The following FHIT variants were observed in gnomAD, a reference collection of about 807,000 sequenced individuals.
FHIT encodes fragile histidine triad diadenosine triphosphatase, also known as bis(5'-adenosyl)-triphosphatase.
In FHIT, 19 loss-of-function variants were observed where a neutral mutation model predicts 17.9. The ratio of observed to expected loss-of-function variants is 1.06; its 90% confidence interval spans 0.74 to 1.56. The LOEUF is 1.56. Among genes scored for constraint, FHIT ranks in the 40% most tolerant of loss-of-function variants. The probability of loss-of-function intolerance (pLI) is 0.00; values close to 1 mark genes in which losing one functional copy is unlikely to be tolerated. For synonymous variants in FHIT, 81 were observed against 69.7 expected (o/e 1.16, Z -0.81); for missense variants, 248 against 189.2 (o/e 1.31, Z -1.82).
At position 61,100,249 on chromosome 3, in the gene FHIT, C is replaced by T. The variant is rs573449786; in HGVS notation, c.-163-58150G>A. 1.4e-4 allele frequency among the ~76,000 whole-genome samples: 21 copies of T among 152,204 alleles called. 1 individual carries two copies. In the South Asian group the frequency reaches 4.4e-3, roughly 32 times the overall value. ...CGACAGGACCCAGTGTGTGATGTTC[C>T]CTGCCCTGTGTCCAAATGATCTCAT... On this transcript the variant is annotated intron_variant, in intron 2 of 9. Transcript: ENST00000492590.
intron 8 of FHIT, among the ~76,000 whole-genome samples, chr3:59,851,292 T>C (rs187957521): frequency 1.4e-4 from 21 of 152,356 alleles, no homozygotes; most frequent in African/African-American, 4.6e-4. Flanking sequence ...ACTGGTTAAA[T>C]GTCAGGTAAA....
intron 2 of FHIT, among the ~76,000 whole-genome samples, chr3:61,197,851 T>C (rs951288237): frequency 3.3e-5 from 5 of 151,924 alleles, no homozygotes; most frequent in Admixed American, 3.3e-4. Context: ...GCTTCTCTTC[T>C]CATTTCCAGC....
intron 5 of FHIT, 151 bp from the exon 6 acceptor site, chr3:60,014,303 CT>C: frequency 2.9e-6 from 2 of 694,684 alleles, no homozygotes; most frequent in Admixed American, 2.9e-5. Context: ...ATCCACTGAA[CT>C]CCAGAGAGTT....
At chr3:61,167,370 C>T (rs941983697) in intron 2 of FHIT, among the ~76,000 whole-genome samples, 34 of 151,914 alleles carry the variant, frequency 2.2e-4, no homozygotes, top group African/African-American at 7.9e-4. Context: ...GGTGCTGTGG[C>T]TCATGCCTGT....
At chr3:61,136,785 G>A (rs769273836) in intron 2 of FHIT, among the ~76,000 whole-genome samples, 1 of 152,122 alleles carries the variant, frequency 6.6e-6, no homozygotes, top group African/African-American at 2.4e-5. Context: ...ACCTTCTGTC[G>A]AATGAAGGAC....
intron 4 of FHIT, among the ~76,000 whole-genome samples, chr3:60,553,982 G>T (rs1046424272): frequency 2.0e-5 from 3 of 152,130 alleles, no homozygotes; most frequent in African/African-American, 7.2e-5. Flanking sequence ...AGCTACTTGG[G>T]AGGCTGAGGC....
chr3:59,785,404 G>A (rs1310912670), intron 8 of FHIT, among the ~76,000 whole-genome samples: 2 of 151,910 alleles, frequency 1.3e-5, no homozygotes, highest in East Asian at 1.9e-4. Flanking sequence ...CTGCCTCCAG[G>A]GTTTAAGCAA....
intron 5 of FHIT, among the ~76,000 whole-genome samples, chr3:60,209,601 G>A (rs934990719): frequency 3.4e-4 from 51 of 152,132 alleles, no homozygotes; most frequent in African/African-American, 1.1e-3. Context: ...GTTTAGGAAA[G>A]TTGTGTGACC....
intron 5 of FHIT, among the ~76,000 whole-genome samples, chr3:60,240,832 A>C (rs1576356225): frequency 2.0e-5 from 3 of 152,258 alleles, no homozygotes; most frequent in Admixed American, 2.0e-4. Flanking sequence ...CCTCAGATCC[A>C]AGAGCTGTAC....
intron 5 of FHIT, among the ~76,000 whole-genome samples, chr3:60,286,447 G>A (rs1707734989): frequency 6.6e-6 from 1 of 152,118 alleles, no homozygotes; most frequent in Admixed American, 6.5e-5. Flanking sequence ...AAATTTTATT[G>A]AAGGGAATTG....
intron 4 of FHIT, among the ~76,000 whole-genome samples, chr3:60,630,585 G>A (rs1387115033): frequency 6.6e-6 from 1 of 152,146 alleles, no homozygotes; most frequent in East Asian, 1.9e-4. Context: ...CTAGATGCAA[G>A]AGACACTTAA....
chr3:60,764,727 A>G (rs1284842970), intron 4 of FHIT, among the ~76,000 whole-genome samples: 1 of 151,436 alleles, frequency 6.6e-6, no homozygotes, highest in Non-Finnish European at 1.5e-5. Flanking sequence ...GAGATTATAG[A>G]TATATTAATA....
intron 1 of FHIT, among the ~76,000 whole-genome samples, chr3:61,241,326 T>C (rs1524020): frequency 0.42 from 64,494 of 151,982 alleles, 16,686 homozygotes; most frequent in East Asian, 0.78. Flanking sequence ...TAGGTAAACT[T>C]GTGCTTCTGG....
intron 5 of FHIT, among the ~76,000 whole-genome samples, chr3:60,230,076 C>T (rs897982930): frequency 2.0e-5 from 3 of 152,058 alleles, no homozygotes; most frequent in Non-Finnish European, 2.9e-5. Flanking sequence ...TGTTCAATAC[C>T]GTGGCCACTA....
intron 5 of FHIT, among the ~76,000 whole-genome samples, chr3:60,116,320 T>C (rs1232578720): frequency 1.3e-5 from 2 of 152,160 alleles, no homozygotes; most frequent in Non-Finnish European, 2.9e-5. Flanking sequence ...GTGTGTAACT[T>C]TTATATGAAA....
chr3:61,067,715 C>G (rs1354296166), intron 2 of FHIT, among the ~76,000 whole-genome samples: 1 of 152,308 alleles, frequency 6.6e-6, no homozygotes, highest in Middle Eastern at 3.4e-3. Context: ...TTCAAAGGCA[C>G]TTTTCTCAGT....
chr3:60,119,252 T>C (rs1705135347), intron 5 of FHIT, among the ~76,000 whole-genome samples: 2 of 151,706 alleles, frequency 1.3e-5, no homozygotes, highest in African/African-American at 4.8e-5. Context: ...TTTTTATTTT[T>C]TGTAGAGACA....
rs140926141 is a variant in FHIT at position 61,126,902 on chromosome 3, G to T, written c.-164+73715C>A. 3.5e-3 allele frequency among the ~76,000 whole-genome samples: 533 copies of T among 152,204 alleles called. 5 individuals are homozygous for T. Among genetic ancestry groups the T allele is most frequent in the African/African-American group, 0.012 (497 of 41,546 alleles). On this transcript the variant is annotated intron_variant, in intron 2 of 9. Coordinates refer to ENST00000492590, the MANE Select transcript of FHIT (RefSeq NM_002012.4). ...CAAGTTCCTGGAAGTAAAGCACATA[G>T]GGCTGAGGGAAATGAAGGGCAGAGC...
At chr3:59,978,364 T>C (rs887459922) in intron 7 of FHIT, among the ~76,000 whole-genome samples, 1 of 152,098 alleles carries the variant, frequency 6.6e-6, no homozygotes, top group Non-Finnish European at 1.5e-5. Context: ...CGTTATTTCT[T>C]CCTGAAATGG....
Sources: gnomAD v4.1 joint callset for allele counts (sites outside exome capture counted in the v4.1 genomes callset) on GRCh38, gnomAD v4.1.1 for gene constraint, MANE v1.5 for transcripts, NCBI Gene and HGNC (gene_info 2026-07-23, HGNC 2026-07-21) for gene names.